Variants in CAPN13 observed in about 807,000 individuals in gnomAD.
CAPN13 encodes the protein calpain-13.
In CAPN13, 90 loss-of-function variants were observed where a neutral mutation model predicts 98.4. The ratio of observed to expected loss-of-function variants is 0.92; its 90% CI spans 0.77 to 1.09. The LOEUF (loss-of-function observed/expected upper bound fraction) is 1.09, where lower values mean the gene tolerates loss of function less well. Among genes scored for constraint, CAPN13 ranks in the 50% least tolerant of loss-of-function variants. The pLI, the probability that CAPN13 is intolerant of heterozygous loss-of-function variation, is 0.00. For synonymous variants in CAPN13, 330 were observed against 305.5 expected (o/e 1.08, Z -0.84); for missense variants, 887 against 841.3 (o/e 1.05, Z -0.67).
chr2:30,733,852 T>C (rs1034534354), intron 19 of CAPN13, among the ~76,000 whole-genome samples: 1 of 152,194 alleles, frequency 6.6e-6, no homozygotes, highest in African/African-American at 2.4e-5. Context: ...ATTTTCCCCA[T>C]TGGGACAGTA....
intron 12 of CAPN13, among the ~76,000 whole-genome samples, chr2:30,744,318 TG>T (rs1194137623): frequency 6.6e-6 from 1 of 152,184 alleles, no homozygotes; most frequent in South Asian, 2.1e-4. Context: ...GGGACAGGGC[TG>T]GGCTCCAAGG....
At chr2:30,748,091 G>A (rs66525035) in intron 11 of CAPN13, among the ~76,000 whole-genome samples, 4 of 152,276 alleles carry the variant, frequency 2.6e-5, no homozygotes, top group South Asian at 2.1e-4. Context: ...CGTGTGTGCC[G>A]GGGCAGCTCT....
At chr2:30,785,490 C>T (rs571201645) in intron 2 of CAPN13, among the ~76,000 whole-genome samples, 7 of 152,236 alleles carry the variant, frequency 4.6e-5, no homozygotes, top group African/African-American at 1.7e-4. Context: ...CTCAGGTAAG[C>T]TTTTGGATGA....
rs377750547 is a variant in CAPN13, at chr2:30,728,526, CT to C, written c.*30+2203del. On this transcript the variant is annotated intron_variant, in intron 22 of 22. Coordinates refer to ENST00000295055, the MANE Select transcript of CAPN13 (RefSeq NM_144575.3). Reference sequence around the variant, plus strand: ...AGACAGTAAGGCCAAAGGCTTCAGGCTGGGAAAAGCATGGAAAATAGAAGGA... The same window carrying C: ...AGACAGTAAGGCCAAAGGCTTCAGGCGGGAAAAGCATGGAAAATAGAAGGA... Among the ~76,000 whole-genome samples, 204 of 152,024 alleles carry C rather than the reference CT, an allele frequency of 1.3e-3. No individual in the cohort carries two copies. The Middle Eastern group carries it at 0.017, about 13-fold the overall frequency.
intron 22 of CAPN13, among the ~76,000 whole-genome samples, chr2:30,726,379 C>T (rs1029966205): frequency 6.6e-6 from 1 of 152,094 alleles, no homozygotes; most frequent in African/African-American, 2.4e-5. Flanking sequence ...ATTAGAGGTT[C>T]TAGCCAGACA....
intron 1 of CAPN13, among the ~76,000 whole-genome samples, chr2:30,800,116 A>AAAAGAAAGAG (rs1675126418): frequency 1.2e-5 from 1 of 85,596 alleles, no homozygotes; most frequent in African/African-American, 4.5e-5. Flanking sequence ...GAAAAGAAAG[A>AAAAGAAAGAG]AAAGAAAGAA....
chr2:30,802,111 C>G (rs1675316545), intron 1 of CAPN13, among the ~76,000 whole-genome samples: 1 of 152,158 alleles, frequency 6.6e-6, no homozygotes, highest in African/African-American at 2.4e-5. Flanking sequence ...CAGGCCTGAC[C>G]TGTGGAGGCT....
Position 30,797,510 on chromosome 2 carries a change from T to A in CAPN13, c.-33+9792A>T, listed in dbSNP as rs114129476. 3.5e-3 allele frequency among the ~76,000 whole-genome samples: 540 copies of A among 152,222 alleles called. 7 individuals are homozygous for A. Among genetic ancestry groups the A allele is most frequent in the African/African-American group, 0.013 (525 of 41,520 alleles). On this transcript the variant is annotated intron_variant, in intron 1 of 22. Transcript: ENST00000295055. ...TAAAGTGGACGGGAGGTGGAGGTAA[T>A]AAAACCAGCCTCGTAGCAGCAGACG...
intron 1 of CAPN13, among the ~76,000 whole-genome samples, chr2:30,796,506 T>C (rs1674891721): frequency 6.6e-6 from 1 of 152,042 alleles, no homozygotes; most frequent in African/African-American, 2.4e-5. Flanking sequence ...CTATTCTACA[T>C]TTTTATCTTG....
At chr2:30,801,629 A>G (rs1187983603) in intron 1 of CAPN13, among the ~76,000 whole-genome samples, 1 of 136,858 alleles carries the variant, frequency 7.3e-6, no homozygotes, top group Middle Eastern at 3.5e-3. Context: ...AAAAAAAAAG[A>G]AGAAGAAGAA....
intron 22 of CAPN13, chr2:30,729,423 C>G (rs529762957): frequency 3.3e-5 from 5 of 152,270 alleles, no homozygotes; most frequent in Admixed American, 2.6e-4. Flanking sequence ...CGACCCTGTA[C>G]GGAGAAAAGG....
At chr2:30,730,160 T>C (rs1198642190) in intron 22 of CAPN13, among the ~76,000 whole-genome samples, 1 of 152,162 alleles carries the variant, frequency 6.6e-6, no homozygotes, top group Non-Finnish European at 1.5e-5. Context: ...GGGCTTCTGC[T>C]ACAGCAGGGT....
At chr2:30,730,674 G>A (rs1381399883) in intron 22 of CAPN13, 56 bp downstream of exon 22, 2 of 772,160 alleles carry the variant, frequency 2.6e-6, no homozygotes, top group East Asian at 4.9e-5. Flanking sequence ...GTTCTTAGAG[G>A]GGAAGGAGGA....
In CAPN13 at chr2:30,770,253, TC is replaced by T. The variant is rs1336173809; in HGVS notation, c.524+59del. The T allele has an allele frequency of 3.8e-6, 6 of 1,584,526 alleles. No homozygotes were observed. The African/African-American group carries it at 5.4e-5, about 14-fold the overall frequency. On this transcript the variant is annotated intron_variant, in intron 5 of 22. Transcript: ENST00000295055. ...ATGCTCCAACAGGGACTGTTTGCAT[TC>T]CGGGTAGGCAGGACCAGCACTGAAA... is the stretch of plus-strand genomic sequence containing the variant.
At chr2:30,789,983 G>A (rs796317090) in intron 1 of CAPN13, among the ~76,000 whole-genome samples, 1 of 152,216 alleles carries the variant, frequency 6.6e-6, no homozygotes, top group East Asian at 1.9e-4. Flanking sequence ...TTGGGGACAG[G>A]CAGCAGGCTG....
intron 11 of CAPN13, among the ~76,000 whole-genome samples, chr2:30,750,381 A>C (rs947206322): frequency 6.6e-6 from 1 of 152,126 alleles, no homozygotes; most frequent in African/African-American, 2.4e-5. Context: ...TGGGTAATGA[A>C]ATAATCTGTA....
intron 22 of CAPN13, among the ~76,000 whole-genome samples, chr2:30,730,526 A>G (rs975281204): frequency 6.6e-6 from 1 of 152,130 alleles, no homozygotes. Context: ...ATAAAGGTCC[A>G]TTGGTCTACA....
At chr2:30,747,504 T>G (rs1671971959) in intron 11 of CAPN13, among the ~76,000 whole-genome samples, 1 of 152,232 alleles carries the variant, frequency 6.6e-6, no homozygotes, top group South Asian at 2.1e-4. Flanking sequence ...GGAGGAACTT[T>G]GAGGGAGGTG....
At chr2:30,776,316 C>G (rs916495360) in intron 3 of CAPN13, among the ~76,000 whole-genome samples, 1 of 152,114 alleles carries the variant, frequency 6.6e-6, no homozygotes, top group African/African-American at 2.4e-5. Flanking sequence ...ACTGCAACCT[C>G]CGCCTCCCGG....
Sources: gnomAD v4.1 joint callset for allele counts (sites outside exome capture counted in the v4.1 genomes callset) on GRCh38, gnomAD v4.1.1 for gene constraint, MANE v1.5 for transcripts, NCBI Gene and HGNC (gene_info 2026-07-23, HGNC 2026-07-21) for gene names.